Variants in TENM3 observed in about 807,000 individuals in gnomAD.
TENM3 encodes teneurin-3.
In TENM3, 63 loss-of-function variants were observed where a neutral mutation model predicts 255.1. The ratio of observed to expected loss-of-function variants is 0.25; its 90% confidence interval spans 0.20 to 0.30. The LOEUF is 0.30. Among genes scored for constraint, TENM3 ranks in the 10% least tolerant of loss-of-function variants. The pLI, the probability that TENM3 is intolerant of heterozygous loss-of-function variation, is 1.00. For synonymous variants in TENM3, 1,306 were observed against 1,322.3 expected (o/e 0.99, Z 0.27); for missense variants, 2,929 against 3,461.1 (o/e 0.85, Z 3.86).
the TENM3 span, among the ~76,000 whole-genome samples, chr4:181,810,662 A>G: frequency 1.3e-5 from 2 of 152,150 alleles, no homozygotes; most frequent in Non-Finnish European, 2.9e-5. Context: ...TGCAATGAAC[A>G]AAATGTAGAC....
the TENM3 span, among the ~76,000 whole-genome samples, chr4:181,835,782 G>T: frequency 6.6e-6 from 1 of 152,164 alleles, no homozygotes; most frequent in Non-Finnish European, 1.5e-5. Flanking sequence ...GAATTAAAAA[G>T]ATGTGCATGT....
intron 1 of TENM3, among the ~76,000 whole-genome samples, chr4:182,299,919 T>C (rs1426162185): frequency 6.6e-6 from 1 of 151,884 alleles, no homozygotes; most frequent in Non-Finnish European, 1.5e-5. Context: ...GATCTTTTTT[T>C]TTTTTTTTCC....
chr4:182,586,779 T>C (rs1200779852), intron 3 of TENM3, among the ~76,000 whole-genome samples: 5 of 152,198 alleles, frequency 3.3e-5, no homozygotes, highest in African/African-American at 1.2e-4. Context: ...GAATATTTGA[T>C]TTGACTTTGA....
At chr4:181,449,615 C>T in the TENM3 span, among the ~76,000 whole-genome samples, 1,351 of 152,126 alleles carry the variant, frequency 8.9e-3, 25 homozygotes, top group African/African-American at 0.031. Context: ...GAAACCCCAT[C>T]TCTACTAAAA....
intron 4 of TENM3, among the ~76,000 whole-genome samples, chr4:182,610,903 C>T (rs1748935727): frequency 6.8e-6 from 1 of 146,192 alleles, no homozygotes; most frequent in Non-Finnish European, 1.5e-5. Context: ...GTCACCATGC[C>T]CAGCTAATTT....
At chr4:181,781,431 G>C in the TENM3 span, among the ~76,000 whole-genome samples, 2 of 152,090 alleles carry the variant, frequency 1.3e-5, no homozygotes, top group African/African-American at 4.8e-5. Flanking sequence ...TCTGTTATTG[G>C]TGTATAAGAA....
chr4:181,775,676 C>T, the TENM3 span, among the ~76,000 whole-genome samples: 31,157 of 152,072 alleles, frequency 0.2, 3,966 homozygotes, highest in South Asian at 0.29. Context: ...CCAATAAATC[C>T]TGGTTTAGAA....
chr4:181,538,468 G>A, the TENM3 span, among the ~76,000 whole-genome samples: 2 of 152,062 alleles, frequency 1.3e-5, no homozygotes, highest in African/African-American at 2.4e-5. Flanking sequence ...ATGGGGAGGG[G>A]GGCGTGGTGG....
the TENM3 span, among the ~76,000 whole-genome samples, chr4:181,948,597 T>A: frequency 6.6e-6 from 1 of 152,070 alleles, no homozygotes; most frequent in Admixed American, 6.5e-5. Flanking sequence ...TGTATTTTTT[T>A]AGTAGCGACA....
At chr4:181,575,446 A>G in the TENM3 span, among the ~76,000 whole-genome samples, 1 of 152,210 alleles carries the variant, frequency 6.6e-6, no homozygotes, top group African/African-American at 2.4e-5. Context: ...CAAAAAATAA[A>G]GTGTAATCCC....
chr4:182,754,827 T>C lies in TENM3; in HGVS notation c.4460T>C (p.Ile1487Thr). ...GCTTCTCCAGATGGTACACTGTATA[T>C]TGCAGATCTAGGGAATATCCGGATC... ...LAASPDGTLYIADLGNIRIRA... is the reference protein window; with the variant it reads ...LAASPDGTLYTADLGNIRIRA... The change falls in exon 22 of 28, where the codon ATT becomes ACT. Residue 1487 changes from isoleucine (I) to threonine (T), a missense_variant. Physicochemically the swap from Ile to Thr is moderately conservative, Grantham distance 89. This residue lies in a region of TENM3 where 1,608 missense variants were observed against 1,884.4 expected (regional missense o/e 0.85). Transcript: ENST00000511685. This position sits in a 1 kb window ranked among gnomAD's most constrained non-coding sequence, Gnocchi z 5.1. 6.2e-7 allele frequency: 1 copy of C among 1,614,058 alleles called. No homozygotes were observed. The highest frequency in any genetic ancestry group is 8.5e-7 in the Non-Finnish European group (1 of 1,179,904).
chr4:181,944,636 G>C, the TENM3 span, among the ~76,000 whole-genome samples: 1 of 142,602 alleles, frequency 7.0e-6, no homozygotes, highest in Non-Finnish European at 1.5e-5. Context: ...CATCCTGCCT[G>C]TGATGGCCGG....
At chr4:182,761,834 ATGTTT>A (rs1195880115) in intron 22 of TENM3, among the ~76,000 whole-genome samples, 2 of 152,124 alleles carry the variant, frequency 1.3e-5, no homozygotes, top group East Asian at 1.9e-4. Context: ...TCTATTTTTG[ATGTTT>A]TGTTTAATTG....
intron 1 of TENM3, among the ~76,000 whole-genome samples, chr4:182,237,724 A>G (rs1394740508): frequency 3.3e-5 from 5 of 152,360 alleles, no homozygotes; most frequent in Admixed American, 3.3e-4. Context: ...CATACCTGGC[A>G]ATTAAACATG....
rs962561516 is a variant in TENM3, at chr4:182,789,845, A to G, written c.5601+456A>G. Among the ~76,000 whole-genome samples, 1 of 152,216 alleles carries G rather than the reference A, an allele frequency of 6.6e-6. No homozygotes were observed. Among genetic ancestry groups the G allele is most frequent in the African/African-American group, 2.4e-5 (1 of 41,468 alleles). On this transcript the variant is annotated intron_variant, in intron 25 of 27. Coordinates refer to ENST00000511685, the MANE Select transcript of TENM3 (RefSeq NM_001080477.4). The surrounding 1 kb of genome is among the most constrained non-coding windows in gnomAD (Gnocchi z 4.4). ...AGCATGTAGATCCTAGTTACGCATT[A>G]TTAACCAAAAGAGGCGATTTTCTTA... is the stretch of plus-strand genomic sequence containing the variant.
chr4:182,006,879 C>G, the TENM3 span, among the ~76,000 whole-genome samples: 2 of 152,142 alleles, frequency 1.3e-5, no homozygotes, highest in African/African-American at 4.8e-5. Context: ...CTATAAGTTT[C>G]TGTCTTAATA....
At chr4:181,845,219 T>A in the TENM3 span, among the ~76,000 whole-genome samples, 80 of 152,294 alleles carry the variant, frequency 5.3e-4, no homozygotes, top group East Asian at 5.2e-3. Context: ...CAGAATTTTT[T>A]AAAAAATATT....
the TENM3 span, among the ~76,000 whole-genome samples, chr4:181,464,075 G>A: frequency 6.6e-6 from 1 of 152,056 alleles, no homozygotes; most frequent in Non-Finnish European, 1.5e-5. Context: ...GAGTTGTTTC[G>A]AGTTTTGGAC....
At chr4:181,490,894 T>C in the TENM3 span, among the ~76,000 whole-genome samples, 1 of 152,164 alleles carries the variant, frequency 6.6e-6, no homozygotes, top group African/African-American at 2.4e-5. Flanking sequence ...TCAAGTATCA[T>C]GCTCTCTGGT....
Sources: gnomAD v4.1 joint callset for allele counts (sites outside exome capture counted in the v4.1 genomes callset) on GRCh38, gnomAD v4.1.1 for gene constraint, gnomAD v4.1.1 regional missense constraint, Gnocchi (gnomAD v3.1) non-coding constraint, MANE v1.5 for transcripts, NCBI Gene and HGNC (gene_info 2026-07-23, HGNC 2026-07-21) for gene names.